Variants in TENM2 observed in about 807,000 individuals in gnomAD.
TENM2 encodes teneurin transmembrane protein 2, also known as teneurin-2.
Under a neutral mutation model 245.2 loss-of-function variants are expected in TENM2, and 52 were observed. The ratio of observed to expected loss-of-function variants is 0.21; its 90% confidence interval spans 0.17 to 0.27. The LOEUF is 0.27. TENM2 is among the 10% of genes least tolerant of loss of function. The probability of loss-of-function intolerance (pLI) is 1.00; values close to 1 mark genes in which losing one functional copy is unlikely to be tolerated. For missense variants in TENM2, 3,046 were observed against 3,666.8 expected, an observed-to-expected ratio of 0.83 and a Z score of 4.37; for synonymous variants, 1,363 against 1,438.9, an observed-to-expected ratio of 0.95 and a Z score of 1.19.
At chr5:166,997,892 C>T in the TENM2 span, among the ~76,000 whole-genome samples, 1 of 152,048 alleles carries the variant, frequency 6.6e-6, no homozygotes, top group Non-Finnish European at 1.5e-5. Flanking sequence ...TAAACAAAAA[C>T]ATAAATAAAC....
chr5:167,803,025 G>A (rs141960972), intron 2 of TENM2, among the ~76,000 whole-genome samples: 100 of 152,274 alleles, frequency 6.6e-4, no homozygotes, highest in Non-Finnish European at 1.1e-3. Flanking sequence ...AGAGACTTGA[G>A]TGCAGAAAAA....
intron 13 of TENM2, among the ~76,000 whole-genome samples, chr5:168,171,001 G>A (rs1048732865): frequency 1.5e-4 from 23 of 152,140 alleles, no homozygotes; most frequent in Non-Finnish European, 2.5e-4. Context: ...CACTCTGGCC[G>A]GTGTTTAGAC....
rs565088284 is a variant in TENM2, at chr5:167,950,887, T to A, written c.713-1701T>A. Among the ~76,000 whole-genome samples, 3 of 152,368 alleles carry A rather than the reference T, an allele frequency of 2.0e-5. No homozygotes were observed. In the South Asian group the frequency reaches 6.2e-4, roughly 32 times the overall value. ...ATAATGTAAAATAGGAATTACAGGT[T>A]CATTTGGAGGACATGATTTAAAATC... On this transcript the variant is annotated intron_variant, in intron 3 of 28. Transcript: ENST00000518659.
At chr5:167,803,490 G>T (rs1211171281) in intron 2 of TENM2, among the ~76,000 whole-genome samples, 1 of 151,958 alleles carries the variant, frequency 6.6e-6, no homozygotes, top group African/African-American at 2.4e-5. Flanking sequence ...TCCGGGAGTG[G>T]GTCTGCTTTC....
the TENM2 span, among the ~76,000 whole-genome samples, chr5:167,246,006 C>G: frequency 1.3e-5 from 2 of 152,216 alleles, no homozygotes; most frequent in East Asian, 3.9e-4. Flanking sequence ...GAATGCTTCC[C>G]TTGTTCATTT....
chr5:167,473,172 T>C (rs1411053095), intron 2 of TENM2, among the ~76,000 whole-genome samples: 1 of 152,246 alleles, frequency 6.6e-6, no homozygotes, highest in East Asian at 1.9e-4. Context: ...GTTATGTACA[T>C]ACCTATGTAG....
chr5:168,164,017 C>A (rs1197978872), intron 13 of TENM2, among the ~76,000 whole-genome samples: 2 of 152,116 alleles, frequency 1.3e-5, no homozygotes, highest in Non-Finnish European at 2.9e-5. Flanking sequence ...GTATGAGGAG[C>A]ATGAGAATTT....
chr5:168,072,011 G>A (rs889959991), intron 7 of TENM2, among the ~76,000 whole-genome samples: 9 of 152,160 alleles, frequency 5.9e-5, no homozygotes, highest in Non-Finnish European at 5.9e-5. Context: ...TTCCTCGTTA[G>A]GGCTTGGGAA....
At chr5:168,118,073 G>A (rs746262372) in intron 9 of TENM2, among the ~76,000 whole-genome samples, 17 of 152,222 alleles carry the variant, frequency 1.1e-4, no homozygotes, top group Non-Finnish European at 1.6e-4. Context: ...TCTATACCGT[G>A]CCCAGCACAT....
At chr5:168,016,714 C>G (rs1472043571) in intron 5 of TENM2, among the ~76,000 whole-genome samples, 1 of 152,214 alleles carries the variant, frequency 6.6e-6, no homozygotes, top group Non-Finnish European at 1.5e-5. Context: ...TGGTAGCTAA[C>G]AGCAAAACCT....
chr5:167,759,539 G>T (rs960310686), intron 2 of TENM2, among the ~76,000 whole-genome samples: 1 of 152,184 alleles, frequency 6.6e-6, no homozygotes, highest in East Asian at 1.9e-4. Context: ...AGTTACAGGG[G>T]AAGTGGGGAG....
chr5:167,813,984 C>T (rs1766844257), intron 2 of TENM2, among the ~76,000 whole-genome samples: 2 of 152,128 alleles, frequency 1.3e-5, no homozygotes, highest in Admixed American at 6.6e-5. Flanking sequence ...TAGCAGTTCT[C>T]ATCCCAGCTT....
At chr5:167,849,925 C>T (rs114699736) in intron 2 of TENM2, among the ~76,000 whole-genome samples, 1,547 of 152,278 alleles carry the variant, frequency 0.01, 7 homozygotes, top group Non-Finnish European at 0.017. Flanking sequence ...TCCAGAAGCT[C>T]CCCAAATCCT....
chr5:167,451,734 C>G (rs1037128531), intron 2 of TENM2, among the ~76,000 whole-genome samples: 1 of 151,996 alleles, frequency 6.6e-6, no homozygotes, highest in Non-Finnish European at 1.5e-5. Flanking sequence ...CTGCAAGCTC[C>G]GCCTCCCGGG....
At chr5:167,602,391 C>T (rs1181483108) in intron 2 of TENM2, among the ~76,000 whole-genome samples, 1 of 152,158 alleles carries the variant, frequency 6.6e-6, no homozygotes, top group Non-Finnish European at 1.5e-5. Flanking sequence ...TGTGTCACCT[C>T]TCCACTCAGG....
chr5:167,086,696 T>G, the TENM2 span, among the ~76,000 whole-genome samples: 6 of 152,134 alleles, frequency 3.9e-5, no homozygotes, highest in African/African-American at 1.4e-4. Context: ...GTATTGTGCA[T>G]CTATTGCATC....
intron 25 of TENM2, among the ~76,000 whole-genome samples, chr5:168,235,429 TGTGGAAAA>T (rs1261265012): frequency 6.6e-6 from 1 of 152,216 alleles, no homozygotes; most frequent in African/African-American, 2.4e-5. Context: ...GGGATGATGA[TGTGGAAAA>T]GTGGAAAAAC....
At chr5:167,246,238 G>T in the TENM2 span, among the ~76,000 whole-genome samples, 1 of 152,054 alleles carries the variant, frequency 6.6e-6, no homozygotes, top group Non-Finnish European at 1.5e-5. Flanking sequence ...AGAGAGGATT[G>T]TTATCACTGC....
intron 1 of TENM2, among the ~76,000 whole-genome samples, chr5:167,340,069 T>G (rs982291604): frequency 6.6e-6 from 1 of 152,226 alleles, no homozygotes; most frequent in Non-Finnish European, 1.5e-5. Context: ...AATACTCAAT[T>G]GCATCACTTG....
Sources: allele counts gnomAD v4.1 joint callset (sites outside exome capture counted in the v4.1 genomes callset), GRCh38; gene constraint gnomAD v4.1.1; transcripts MANE v1.5; gene names NCBI Gene and HGNC (gene_info 2026-07-23, HGNC 2026-07-21).